The following NWD1 variants were observed in gnomAD, a reference collection of about 807,000 sequenced individuals.
NWD1 encodes the protein NACHT domain- and WD repeat-containing protein 1.
A neutral mutation model predicts 135.1 loss-of-function variants in NWD1; 129 were observed. The ratio of observed to expected loss-of-function variants is 0.96; its 90% CI spans 0.83 to 1.11. The LOEUF is 1.11. Ranked by LOEUF, NWD1 falls within the 50% of genes least tolerant of loss-of-function variation. The pLI, the probability that NWD1 is intolerant of heterozygous loss-of-function variation, is 0.00. For synonymous variants in NWD1, 773 were observed against 786.0 expected (o/e 0.98, Z 0.28); for missense variants, 1,740 against 1,851.3 (o/e 0.94, Z 1.10).
At position 16,749,270 on chromosome 19, in the gene NWD1, C is replaced by T. The variant is rs144808399; in HGVS notation, c.628C>T (p.Arg210Trp). The change falls in exon 6 of 19, where the codon CGG becomes TGG. Residue 210 changes from arginine to tryptophan, a missense_variant. Physicochemically the swap from Arg to Trp is moderately radical, Grantham distance 101. Coordinates refer to ENST00000524140, the MANE Select transcript of NWD1 (RefSeq NM_001007525.5). Reference sequence around the variant, plus strand: ...AGACTGCGCCCTTAGGATGGTGGACCGGCTCGCGGATGGCTGCCTGGACGC... The same window carrying T: ...AGACTGCGCCCTTAGGATGGTGGACTGGCTCGCGGATGGCTGCCTGGACGC... The part of the protein sequence containing the change: ...LEDCALRMVD[R>W]LADGCLDADA... 1.1e-4 allele frequency: 172 copies of T among 1,614,042 alleles called. No homozygotes were observed. The African/African-American group carries it at 1.3e-3, about 12-fold the overall frequency.
intron 17 of NWD1, among the ~76,000 whole-genome samples, chr19:16,805,856 T>C (rs1970731247): frequency 6.6e-6 from 1 of 151,970 alleles, no homozygotes; most frequent in South Asian, 2.1e-4. Context: ...AGTTTCTTTT[T>C]TCTTTTTCTT....
chr19:16,737,977 AAAG>A (rs1568339297), intron 4 of NWD1, among the ~76,000 whole-genome samples: 2 of 149,614 alleles, frequency 1.3e-5, no homozygotes, highest in African/African-American at 5.0e-5. Flanking sequence ...AAAGAAAAGA[AAAG>A]AAAAGAAAAG....
intron 16 of NWD1, among the ~76,000 whole-genome samples, chr19:16,799,352 C>G (rs898765671): frequency 1.3e-5 from 2 of 151,612 alleles, no homozygotes; most frequent in East Asian, 2.0e-4. Context: ...TGCACCACCA[C>G]GCTTGGCTGA....
At chr19:16,806,278 G>A (rs1970742687) in intron 17 of NWD1, among the ~76,000 whole-genome samples, 2 of 152,136 alleles carry the variant, frequency 1.3e-5, no homozygotes, top group South Asian at 4.1e-4. Flanking sequence ...AGACCCAGCA[G>A]TGCCCCCACC....
chr19:16,759,491 T>G, intron 7 of NWD1, 63 bp downstream of exon 7: 1 of 1,230,676 alleles, frequency 8.1e-7, no homozygotes, highest in Non-Finnish European at 1.2e-6. Context: ...GAGGACTCAC[T>G]GGCCGGGGGT....
Position 16,724,368 on chromosome 19 carries a change from C to G in NWD1, c.-102C>G, listed in dbSNP as rs984882731. ...TGGCTCTTACTTTCATTTCACAGACCATGCGGCCGATGCCCTGGGAGGGAG... is the reference window on the plus strand; with the variant it reads ...TGGCTCTTACTTTCATTTCACAGACGATGCGGCCGATGCCCTGGGAGGGAG... On this transcript the variant is annotated splice_region_variant and 5_prime_UTR_variant, in exon 2 of 19. Coordinates refer to ENST00000524140, the MANE Select transcript of NWD1 (RefSeq NM_001007525.5). 6.6e-6 allele frequency: 1 copy of G among 152,146 alleles called. No individual in the cohort carries two copies. Among genetic ancestry groups the G allele is most frequent in the African/African-American group, 2.4e-5 (1 of 41,440 alleles). The allele number at this position is 152,146 out of a possible 1,614,324, so 9.4% of individuals were successfully genotyped here.
intron 18 of NWD1, among the ~76,000 whole-genome samples, chr19:16,810,476 T>G (rs1227945202): frequency 6.9e-6 from 1 of 144,852 alleles, no homozygotes; most frequent in Non-Finnish European, 1.5e-5. Context: ...AAGAAGGCCT[T>G]GTAAGTCTAG....
chr19:16,792,514 T>TA (rs1462019171), intron 14 of NWD1, among the ~76,000 whole-genome samples: 2 of 151,972 alleles, frequency 1.3e-5, no homozygotes, highest in East Asian at 3.9e-4. Flanking sequence ...TCATCTCTAC[T>TA]AAAAAAGCAT....
At chr19:16,759,186 A>G (rs375902245) in intron 6 of NWD1, 39 bp from the exon 7 acceptor site, 4 of 1,533,102 alleles carry the variant, frequency 2.6e-6, no homozygotes, top group East Asian at 4.5e-5. Context: ...TGCAGAAGAC[A>G]TGAGATGTGC....
chr19:16,779,371 G>A lies in NWD1; in HGVS notation c.2637G>A (p.Glu879=). The stretch of plus-strand genomic sequence containing the variant: ...TCACCGCCATGGCATGGGGTGTGGA[G>A]GAGAAGCTGCTGGTGATTGGCACCC... The part of the protein sequence containing the change: ...KGITAMAWGV[E]EKLLVIGTQD... Residue 879 remains glutamate (E), a synonymous_variant, in exon 12 of 19, where the codon GAG becomes GAA. Coordinates refer to ENST00000524140, the MANE Select transcript of NWD1 (RefSeq NM_001007525.5). The A allele has an allele frequency of 6.2e-7, 1 of 1,613,952 alleles. No homozygotes were observed. The highest frequency in any genetic ancestry group is 8.5e-7 in the Non-Finnish European group (1 of 1,179,950).
intron 12 of NWD1, among the ~76,000 whole-genome samples, chr19:16,786,792 TC>T (rs1970055393): frequency 6.6e-6 from 1 of 151,918 alleles, no homozygotes; most frequent in South Asian, 2.1e-4. Context: ...GCTCAGGCGA[TC>T]TGCCCGCCTC....
intron 3 of NWD1, among the ~76,000 whole-genome samples, chr19:16,734,854 G>C (rs1048238134): frequency 1.3e-5 from 2 of 151,924 alleles, no homozygotes; most frequent in African/African-American, 4.8e-5. Flanking sequence ...CCATAGTGCT[G>C]GGATTATAGG....
At chr19:16,730,343 CAAAA>C (rs553832126) in intron 2 of NWD1, among the ~76,000 whole-genome samples, 4 of 145,492 alleles carry the variant, frequency 2.7e-5, no homozygotes, top group African/African-American at 1.0e-4. Flanking sequence ...AACAAAAAAA[CAAAA>C]AAAAAACCCA....
At chr19:16,775,334 T>A (rs1969562216) in intron 11 of NWD1, among the ~76,000 whole-genome samples, 1 of 152,024 alleles carries the variant, frequency 6.6e-6, no homozygotes, top group Non-Finnish European at 1.5e-5. Context: ...GTGGCTTAAA[T>A]AAGATAGGAG....
chr19:16,742,849 T>A (rs912296245), intron 4 of NWD1, among the ~76,000 whole-genome samples: 6 of 148,916 alleles, frequency 4.0e-5, no homozygotes, highest in East Asian at 2.0e-4. Context: ...TTTAAAAAAA[T>A]TTTTTGTAGA....
In NWD1 at chr19:16,807,780, G is replaced by A. The variant is rs376294522; in HGVS notation, c.3931G>A (p.Glu1311Lys). Residue 1311 changes from glutamate to lysine, a missense_variant, in exon 18 of 19, where the codon GAG becomes AAG. Physicochemically the swap from Glu to Lys is moderately conservative, Grantham distance 56 (BLOSUM62 1). Coordinates refer to ENST00000524140, the MANE Select transcript of NWD1 (RefSeq NM_001007525.5). ...CAACTGCATGTCCCTGAGCAAGTGC[G>A]AGGACCGCCTGGCCATCGCCTATGA... ...AINCMSLSKCEDRLAIAYDNI... is the reference protein window; with the variant it reads ...AINCMSLSKCKDRLAIAYDNI... 58 of 1,613,716 alleles carry A rather than the reference G, an allele frequency of 3.6e-5. No individual in the cohort carries two copies. Among genetic ancestry groups the A allele is most frequent in the African/African-American group, 5.3e-5 (4 of 74,910 alleles).
chr19:16,747,239 G>A (rs1968360527), intron 5 of NWD1, among the ~76,000 whole-genome samples: 1 of 151,620 alleles, frequency 6.6e-6, no homozygotes. Context: ...GTTTCCCCAT[G>A]TTGCTCAGGC....
intron 8 of NWD1, among the ~76,000 whole-genome samples, 180 bp downstream of exon 8, chr19:16,762,318 A>G (rs1280422040): frequency 1.6e-5 from 1 of 61,028 alleles, no homozygotes; most frequent in Non-Finnish European, 3.6e-5. Context: ...TTTTTTTGAG[A>G]CAGAGTCTTA....
chr19:16,754,800 A>ATCCG (rs930634355), intron 6 of NWD1, among the ~76,000 whole-genome samples: 3 of 147,228 alleles, frequency 2.0e-5, no homozygotes, highest in African/African-American at 7.6e-5. Flanking sequence ...TCATCCATCC[A>ATCCG]TCCATCCATC....
Sources: gnomAD v4.1 joint callset for allele counts (sites outside exome capture counted in the v4.1 genomes callset) on GRCh38, gnomAD v4.1.1 for gene constraint, MANE v1.5 for transcripts, NCBI Gene and HGNC (gene_info 2026-07-23, HGNC 2026-07-21) for gene names.